Variants in RAB14 observed in about 807,000 individuals in gnomAD.
The protein encoded by RAB14 is RAB14, member RAS oncogene family, also known as ras-related protein Rab-14.
Under a neutral mutation model 31.1 loss-of-function variants are expected in RAB14, and 3 were observed. The observed-to-expected ratio is 0.10, with a 90% confidence interval of 0.04 to 0.25. RAB14 has a LOEUF of 0.25. RAB14 is among the 10% of genes least tolerant of loss of function. The probability of loss-of-function intolerance (pLI) is 1.00; values close to 1 mark genes in which losing one functional copy is unlikely to be tolerated. For synonymous variants in RAB14, 85 were observed against 84.9 expected, an observed-to-expected ratio of 1.00 and a Z score of 0.00; for missense variants, 111 against 260.1, an observed-to-expected ratio of 0.43 and a Z score of 3.94.
rs2132020839 is a variant in RAB14, at chr9:121,181,463, G to A, written c.581C>T (p.Pro194Leu). The A allele has an allele frequency of 6.2e-7, 1 of 1,613,060 alleles. No homozygotes were observed. The highest frequency in any genetic ancestry group is 8.5e-7 in the Non-Finnish European group (1 of 1,179,240). The change falls in exon 8 of 8, where the codon CCT becomes CTT. Residue 194 changes from proline (P) to leucine (L), a missense_variant. Physicochemically the swap from Pro to Leu is moderately conservative, Grantham distance 98. Transcript: ENST00000373840. ...TAGCCGGCCTCCCTGCGGGGCTGAA[G>A]GTTTGTGTTGTACACCAGACTCAGC... ...NAAESGVQHK[P>L]SAPQGGRLTS...
rs1300648011 is a variant in RAB14, at chr9:121,178,552, A to G, written c.*2844T>C. The G allele has an allele frequency of 6.6e-6, 1 of 152,640 alleles. No individual in the cohort carries two copies. Among genetic ancestry groups the G allele is most frequent in the Non-Finnish European group, 1.5e-5 (1 of 68,046 alleles). The allele number at this position is 152,640 out of a possible 1,614,324, so 9.5% of individuals were successfully genotyped here. A position where few individuals can be genotyped will look rare whatever the true frequency, so the allele number is the denominator to read the frequency against. ...TTTTAAAATCACACTTAAAAGACAC[A>G]TGGGCAAAAAAGTTCCCCAAAACTA... On this transcript the variant is annotated 3_prime_UTR_variant, in exon 8 of 8. Coordinates refer to ENST00000373840, the MANE Select transcript of RAB14 (RefSeq NM_016322.4).
At chr9:121,191,118 T>A (rs1287346646) in intron 3 of RAB14, among the ~76,000 whole-genome samples, 1 of 152,176 alleles carries the variant, frequency 6.6e-6, no homozygotes, top group Admixed American at 6.5e-5. Flanking sequence ...TTTGCCCCAC[T>A]GGCCACCGTT....
At chr9:121,189,364 G>C (rs1385002492) in intron 4 of RAB14, among the ~76,000 whole-genome samples, 2 of 152,080 alleles carry the variant, frequency 1.3e-5, no homozygotes, top group African/African-American at 4.8e-5. Context: ...TTAATTATGT[G>C]AAGTCTTCAG....
At chr9:121,187,104 A>G (rs548413890) in intron 4 of RAB14, 85 bp from the exon 5 acceptor site, 2 of 713,220 alleles carry the variant, frequency 2.8e-6, no homozygotes, top group South Asian at 2.8e-5. Context: ...TTTAATCAAC[A>G]TATCCTAAAA....
chr9:121,187,596 A>G (rs1282311070), intron 4 of RAB14, among the ~76,000 whole-genome samples: 1 of 152,082 alleles, frequency 6.6e-6, no homozygotes, highest in African/African-American at 2.4e-5. Flanking sequence ...AAGTCCCCAG[A>G]TATCAGTGAA....
chr9:121,187,585 C>G lies in RAB14; in HGVS notation c.285-566G>C, dbSNP rs1043019449. Among the ~76,000 whole-genome samples, 9 of 151,966 alleles carry G rather than the reference C, an allele frequency of 5.9e-5. 1 individual carries two copies. The South Asian group carries it at 8.3e-4, about 14-fold the overall frequency. On this transcript the variant is annotated intron_variant, in intron 4 of 7. Coordinates refer to ENST00000373840, the MANE Select transcript of RAB14 (RefSeq NM_016322.4). Reference sequence around the variant, plus strand: ...ACTTTGAAGACATTTGACAAGAATTCAAGTCCCCAGATATCAGTGAAAAAG... The same window carrying G: ...ACTTTGAAGACATTTGACAAGAATTGAAGTCCCCAGATATCAGTGAAAAAG...
intron 1 of RAB14, among the ~76,000 whole-genome samples, chr9:121,200,310 A>G (rs1206132746): frequency 6.6e-6 from 1 of 152,246 alleles, no homozygotes; most frequent in Non-Finnish European, 1.5e-5. Flanking sequence ...GTCTTCAACA[A>G]TCAAATCTAA....
chr9:121,188,524 TTGG>T (rs750105919), intron 4 of RAB14, among the ~76,000 whole-genome samples: 6 of 151,508 alleles, frequency 4.0e-5, no homozygotes, highest in Non-Finnish European at 8.8e-5. Flanking sequence ...CAAATATTAA[TTGG>T]TGGTACTAGT....
At chr9:121,186,074 A>T (rs755462115) in intron 5 of RAB14, among the ~76,000 whole-genome samples, 2 of 152,180 alleles carry the variant, frequency 1.3e-5, no homozygotes, top group Non-Finnish European at 2.9e-5. Flanking sequence ...GGGGGTATAA[A>T]GCCAAGTGAG....
chr9:121,183,923 A>C (rs1487258989), intron 5 of RAB14, among the ~76,000 whole-genome samples: 1 of 152,232 alleles, frequency 6.6e-6, no homozygotes, highest in South Asian at 2.1e-4. Flanking sequence ...AATTGTGGGC[A>C]TTCCCTAGAG....
chr9:121,190,413 C>T (rs2053680354), intron 4 of RAB14, 141 bp downstream of exon 4: 1 of 800,850 alleles, frequency 1.2e-6, no homozygotes. Flanking sequence ...TTTTACATGG[C>T]AACTTAAGAA....
intron 1 of RAB14, among the ~76,000 whole-genome samples, 164 bp from the exon 2 acceptor site, chr9:121,193,583 A>C (rs1031266772): frequency 3.3e-5 from 5 of 152,194 alleles, no homozygotes; most frequent in Non-Finnish European, 7.4e-5. Flanking sequence ...TCAAATACAC[A>C]AATTCTCTTG....
At chr9:121,190,501 T>A in intron 4 of RAB14, 53 bp downstream of exon 4, 2 of 1,459,364 alleles carry the variant, frequency 1.4e-6, no homozygotes, top group South Asian at 3.0e-5. Context: ...TTTTTTTAAA[T>A]GCCCAAAGTA....
At chr9:121,189,387 T>C (rs1174311732) in intron 4 of RAB14, among the ~76,000 whole-genome samples, 2 of 152,138 alleles carry the variant, frequency 1.3e-5, no homozygotes, top group Non-Finnish European at 2.9e-5. Context: ...ATGCATTCCT[T>C]ATAAAATCAG....
chr9:121,200,726 G>A (rs1323943570), intron 1 of RAB14, among the ~76,000 whole-genome samples: 1 of 152,196 alleles, frequency 6.6e-6, no homozygotes, highest in Non-Finnish European at 1.5e-5. Flanking sequence ...GCCACAGTGT[G>A]AGCCGAAGCC....
At chr9:121,182,797 T>C (rs2053640182) in intron 7 of RAB14, 133 bp downstream of exon 7, 4 of 532,110 alleles carry the variant, frequency 7.5e-6, no homozygotes, top group Admixed American at 4.2e-5. Flanking sequence ...TTTGCTGTTC[T>C]TCCTGCAGTA....
rs565614746 is a variant in RAB14 at position 121,178,793 on chromosome 9, A to C, written c.*2603T>G. ...TTAAGCATAAATAGTACTAAGCACC[A>C]ATTACTAATCTGAAGGCCTCCTCAC... On this transcript the variant is annotated 3_prime_UTR_variant, in exon 8 of 8. Transcript: ENST00000373840. 68 of 152,354 alleles carry C rather than the reference A, an allele frequency of 4.5e-4. No homozygotes were observed. The highest frequency in any genetic ancestry group is 1.6e-3 in the African/African-American group (65 of 41,576). 9.4% of individuals were successfully genotyped at this position (152,354 alleles called of 1,614,324 possible).
chr9:121,187,759 T>A (rs763041154), intron 4 of RAB14, among the ~76,000 whole-genome samples: 13 of 151,998 alleles, frequency 8.6e-5, no homozygotes, highest in Non-Finnish European at 1.5e-4. Flanking sequence ...ATTTGTAATA[T>A]CATACACAGT....
intron 4 of RAB14, among the ~76,000 whole-genome samples, chr9:121,189,886 A>C (rs1564320361): frequency 6.6e-6 from 1 of 152,254 alleles, no homozygotes; most frequent in East Asian, 1.9e-4. Flanking sequence ...CTTACAGTAG[A>C]CAAACAGTGC....
Sources: gnomAD v4.1 joint callset for allele counts (sites outside exome capture counted in the v4.1 genomes callset) on GRCh38, gnomAD v4.1.1 for gene constraint, MANE v1.5 for transcripts, NCBI Gene and HGNC (gene_info 2026-07-23, HGNC 2026-07-21) for gene names.